CLVS1: variants seen among roughly 807,000 people sequenced by gnomAD.
CLVS1 encodes clavesin-1.
CLVS1 carries 10 observed loss-of-function variants against 33.1 expected under a neutral mutation model. The ratio of observed to expected loss-of-function variants is 0.30; its 90% CI spans 0.19 to 0.51. CLVS1 has a LOEUF of 0.51. Among genes scored for constraint, CLVS1 ranks in the 20% least tolerant of loss-of-function variants. CLVS1 has a pLI of 0.97. For synonymous variants in CLVS1, 163 were observed against 166.1 expected (o/e 0.98, Z 0.14); for missense variants, 343 against 433.4 (o/e 0.79, Z 1.85).
chr8:60,990,536 G>T, the CLVS1 span, among the ~76,000 whole-genome samples: 1 of 152,132 alleles, frequency 6.6e-6, no homozygotes, highest in Non-Finnish European at 1.5e-5. Flanking sequence ...TTGAAGCTGG[G>T]ATGAGTACCC....
intron 2 of CLVS1, among the ~76,000 whole-genome samples, chr8:61,233,557 C>A (rs889809930): frequency 6.6e-6 from 1 of 151,554 alleles, no homozygotes; most frequent in Non-Finnish European, 1.5e-5. Flanking sequence ...AAAAAGTCCA[C>A]GTCAGTCAGA....
At chr8:61,124,611 C>A (rs1805938108) in intron 1 of CLVS1, among the ~76,000 whole-genome samples, 1 of 152,188 alleles carries the variant, frequency 6.6e-6, no homozygotes, top group Non-Finnish European at 1.5e-5. Context: ...AAGCCCCAGA[C>A]TTTGGTACTT....
chr8:61,118,505 A>G (rs1464498588), intron 1 of CLVS1, among the ~76,000 whole-genome samples: 3 of 149,808 alleles, frequency 2.0e-5, no homozygotes, highest in Non-Finnish European at 2.9e-5. Flanking sequence ...TCTTGTGGGC[A>G]TTTAGTGCTA....
intron 1 of CLVS1, among the ~76,000 whole-genome samples, chr8:61,065,579 A>G (rs1185438537): frequency 6.6e-6 from 1 of 152,224 alleles, no homozygotes; most frequent in Non-Finnish European, 1.5e-5. Flanking sequence ...TGAATCACTG[A>G]TCCTATTATG....
Position 61,277,437 on chromosome 8 carries a change from C to T in CLVS1, c.-151-22240C>T, listed in dbSNP as rs189061406. ...GTCAGATGAGCTTTGTTGTGTATGACGTCCGCACACAGATCTGAAGCCCCC... is the reference window on the plus strand; with the variant it reads ...GTCAGATGAGCTTTGTTGTGTATGATGTCCGCACACAGATCTGAAGCCCCC... On this transcript the variant is annotated intron_variant, in intron 2 of 2. Transcript: ENST00000522621. 7.2e-5 allele frequency among the ~76,000 whole-genome samples: 11 copies of T among 152,234 alleles called. No homozygotes were observed. In the South Asian group the frequency reaches 8.3e-4, roughly 11 times the overall value.
chr8:61,075,700 C>T (rs780185085), intron 1 of CLVS1, among the ~76,000 whole-genome samples: 21 of 152,190 alleles, frequency 1.4e-4, no homozygotes, highest in Non-Finnish European at 2.5e-4. Flanking sequence ...CCCCCTTTTA[C>T]GTTTCCTCCT....
intron 5 of CLVS1, among the ~76,000 whole-genome samples, chr8:61,485,396 T>C (rs1453016353): frequency 6.6e-6 from 1 of 152,148 alleles, no homozygotes; most frequent in Non-Finnish European, 1.5e-5. Context: ...CACAATGAGA[T>C]ACCATCTCAC....
chr8:61,215,906 C>T (rs1010452015), intron 2 of CLVS1, among the ~76,000 whole-genome samples: 2 of 152,114 alleles, frequency 1.3e-5, no homozygotes, highest in Admixed American at 6.5e-5. Context: ...GGTCATTCCA[C>T]CCCTTGTTCA....
chr8:61,345,327 A>G (rs907579680), intron 2 of CLVS1, among the ~76,000 whole-genome samples: 4 of 152,158 alleles, frequency 2.6e-5, no homozygotes, highest in African/African-American at 7.2e-5. Flanking sequence ...ATAAAATCAC[A>G]TTTACTTTTT....
At chr8:60,976,008 G>T in the CLVS1 span, among the ~76,000 whole-genome samples, 1 of 152,178 alleles carries the variant, frequency 6.6e-6, no homozygotes, top group East Asian at 1.9e-4. Flanking sequence ...TGTTTCTCTT[G>T]ATCAAACTTT....
At chr8:61,050,589 G>A in the CLVS1 span, among the ~76,000 whole-genome samples, 4 of 152,226 alleles carry the variant, frequency 2.6e-5, no homozygotes, top group East Asian at 1.9e-4. Context: ...GTGCACACAC[G>A]TATCAGGCAG....
At chr8:61,489,323 A>AT (rs1803989818) in intron 5 of CLVS1, among the ~76,000 whole-genome samples, 1 of 152,128 alleles carries the variant, frequency 6.6e-6, no homozygotes, top group South Asian at 2.1e-4. Flanking sequence ...AGTTATAGGT[A>AT]TTTTTTGTAC....
At position 61,211,193 on chromosome 8, in the gene CLVS1, A is replaced by G. The variant is rs547609717; in HGVS notation, c.-152+79333A>G. On this transcript the variant is annotated intron_variant, in intron 2 of 2. Coordinates refer to the CLVS1 transcript ENST00000522621. ...GTGAGAAATGTGGGGGTCATATACA[A>G]TGGGCTGAGGAGTGAAGGTGGGATG... is the stretch of plus-strand genomic sequence containing the variant. Among the ~76,000 whole-genome samples the G allele has an allele frequency of 6.6e-5, 10 of 152,238 alleles. No individual in the cohort carries two copies. In the South Asian group the frequency reaches 1.9e-3, roughly 28 times the overall value.
At chr8:61,254,632 C>T (rs574070328) in intron 2 of CLVS1, among the ~76,000 whole-genome samples, 3 of 152,268 alleles carry the variant, frequency 2.0e-5, no homozygotes, top group Admixed American at 2.0e-4. Flanking sequence ...GGCACCCCTC[C>T]CCCAGCCTCA....
chr8:61,008,620 A>G, the CLVS1 span, among the ~76,000 whole-genome samples: 1 of 152,092 alleles, frequency 6.6e-6, no homozygotes, highest in South Asian at 2.1e-4. Context: ...GTCATGTGCC[A>G]CCACAGCAGG....
At chr8:61,141,964 C>A (rs912756724) in intron 2 of CLVS1, among the ~76,000 whole-genome samples, 2 of 152,188 alleles carry the variant, frequency 1.3e-5, no homozygotes, top group Non-Finnish European at 2.9e-5. Context: ...TTAATCTTTT[C>A]TTCTGGCTAG....
At chr8:61,091,137 A>G (rs967042509) in intron 1 of CLVS1, among the ~76,000 whole-genome samples, 2 of 152,178 alleles carry the variant, frequency 1.3e-5, no homozygotes, top group Non-Finnish European at 2.9e-5. Context: ...GGTAATCACA[A>G]TGGTCCTTAC....
At chr8:61,231,997 GAGA>G (rs1330362242) in intron 2 of CLVS1, among the ~76,000 whole-genome samples, 2 of 118,356 alleles carry the variant, frequency 1.7e-5, no homozygotes, top group East Asian at 4.9e-4. Context: ...GGAGCAGCCA[GAGA>G]AGGAGCCCTG....
rs939718866 is a variant in CLVS1 at position 61,340,812 on chromosome 8, A to G, written c.456-35793A>G. Among the ~76,000 whole-genome samples the G allele has an allele frequency of 6.6e-5, 10 of 152,322 alleles. No homozygotes were observed. In the Middle Eastern group the frequency reaches 0.01, roughly 155 times the overall value. On this transcript the variant is annotated intron_variant, in intron 2 of 5. Coordinates refer to ENST00000325897, the MANE Select transcript of CLVS1 (RefSeq NM_173519.3). Reference sequence around the variant, plus strand: ...GTTAGATACATTTCTAATTGGAATGAATTTCAATATTATATTGTTTGAAAG... The same window carrying G: ...GTTAGATACATTTCTAATTGGAATGGATTTCAATATTATATTGTTTGAAAG...
Sources: gnomAD v4.1 joint callset for allele counts (sites outside exome capture counted in the v4.1 genomes callset) on GRCh38, gnomAD v4.1.1 for gene constraint, MANE v1.5 for transcripts, NCBI Gene and HGNC (gene_info 2026-07-23, HGNC 2026-07-21) for gene names.